SLC2A2: variants seen among roughly 807,000 people sequenced by gnomAD.
SLC2A2 encodes solute carrier family 2, facilitated glucose transporter member 2.
A neutral mutation model predicts 54.5 loss-of-function variants in SLC2A2; 36 were observed. The observed-to-expected ratio is 0.66, with a 90% CI of 0.51 to 0.87. The LOEUF is 0.87. Ranked by LOEUF, SLC2A2 falls within the 40% of genes least tolerant of loss-of-function variation. The pLI is 0.00. For synonymous variants in SLC2A2, 223 were observed against 219.1 expected (o/e 1.02, Z -0.16); for missense variants, 543 against 624.3 (o/e 0.87, Z 1.39).
chr3:171,011,684 T>C (rs1186583469), intron 3 of SLC2A2, among the ~76,000 whole-genome samples: 1 of 151,916 alleles, frequency 6.6e-6, no homozygotes, highest in East Asian at 1.9e-4. Flanking sequence ...AGCTACAGAG[T>C]AGAAAAATAG....
chr3:171,005,914 G>A lies in SLC2A2; in HGVS notation c.775+29C>T, dbSNP rs763183152. 6 of 1,603,608 alleles carry A rather than the reference G, an allele frequency of 3.7e-6. No homozygotes were observed. In the South Asian group the frequency reaches 6.6e-5, roughly 18 times the overall value. On this transcript the variant is annotated intron_variant, in intron 6 of 10. Coordinates refer to ENST00000314251, the MANE Select transcript of SLC2A2 (RefSeq NM_000340.2). ...TTAGCTGATAATGCCAAAACAATAG[G>A]AAGAAAGAAAAACCATCCACAGACT...
chr3:171,016,757 G>A (rs1164597862), intron 2 of SLC2A2, among the ~76,000 whole-genome samples: 3 of 152,072 alleles, frequency 2.0e-5, no homozygotes, highest in African/African-American at 2.4e-5. Context: ...TATGGGGATC[G>A]CTGTTTTCAG....
Position 170,996,825 on chromosome 3 carries a change from ATT to A in SLC2A2, c.*1076_*1077del. 1 of 393,314 alleles carries A rather than the reference ATT, an allele frequency of 2.5e-6. No individual in the cohort carries two copies. The highest frequency in any genetic ancestry group is 1.4e-4 in the South Asian group (1 of 6,984). The allele number at this position is 393,314 out of a possible 1,614,324, so 24.4% of individuals were successfully genotyped here. A position where few individuals can be genotyped will look rare whatever the true frequency, so the allele number is the denominator to read the frequency against. On this transcript the variant is annotated 3_prime_UTR_variant, in exon 11 of 11. Coordinates refer to ENST00000314251, the MANE Select transcript of SLC2A2 (RefSeq NM_000340.2). ...TAAAACAATCAGTCTTTCCAGGAAA[ATT>A]AAATAGGGATTTTGATAAAAGTCTG...
rs1715556964 is a variant in SLC2A2 at position 171,005,560 on chromosome 3, C to T, written c.776-88G>A. The T allele has an allele frequency of 2.8e-6, 3 of 1,052,950 alleles. No homozygotes were observed. In the South Asian group the frequency reaches 4.0e-5, roughly 14 times the overall value. 65.2% of individuals were successfully genotyped at this position (1,052,950 alleles called of 1,614,324 possible). On this transcript the variant is annotated intron_variant, in intron 6 of 10. Transcript: ENST00000314251. ...TGTTAATGAAAGAGCTACATTTCTGCATGCCCCATTGTATTACTTAATAGC... is the reference window on the plus strand; with the variant it reads ...TGTTAATGAAAGAGCTACATTTCTGTATGCCCCATTGTATTACTTAATAGC...
chr3:171,010,162 T>A, intron 3 of SLC2A2, 80 bp from the exon 4 acceptor site: 1 of 1,434,030 alleles, frequency 7.0e-7, no homozygotes, highest in Non-Finnish European at 9.7e-7. Context: ...ATGTTGAGAT[T>A]TTTTTTAACC....
intron 4 of SLC2A2, among the ~76,000 whole-genome samples, chr3:171,009,027 C>T (rs768694371): frequency 6.6e-6 from 1 of 152,036 alleles, no homozygotes; most frequent in Non-Finnish European, 1.5e-5. Flanking sequence ...AATCTTACGT[C>T]CTCACCACTC....
chr3:171,006,221 C>A, intron 5 of SLC2A2, 116 bp from the exon 6 acceptor site: 1 of 854,418 alleles, frequency 1.2e-6, no homozygotes, highest in Non-Finnish European at 1.8e-6. Flanking sequence ...AACTTTGGTT[C>A]AAGTAAAAAC....
chr3:171,000,083 A>G (rs1306515433), intron 8 of SLC2A2, among the ~76,000 whole-genome samples: 3 of 152,108 alleles, frequency 2.0e-5, no homozygotes, highest in Admixed American at 1.3e-4. Context: ...GTAAATCAAT[A>G]GCAATCCAAT....
At chr3:171,010,414 C>T (rs994004047) in intron 3 of SLC2A2, among the ~76,000 whole-genome samples, 10 of 152,136 alleles carry the variant, frequency 6.6e-5, no homozygotes, top group African/African-American at 2.4e-4. Flanking sequence ...GTCTTGACCT[C>T]CCAGGCTCAA....
intron 8 of SLC2A2, among the ~76,000 whole-genome samples, 190 bp downstream of exon 8, chr3:171,002,386 A>C (rs551287826): frequency 2.6e-5 from 4 of 152,042 alleles, no homozygotes; most frequent in Non-Finnish European, 5.9e-5. Flanking sequence ...GATTCACCTC[A>C]GTTATGCCTA....
intron 3 of SLC2A2, among the ~76,000 whole-genome samples, chr3:171,013,842 G>T (rs1397177139): frequency 6.6e-6 from 1 of 152,226 alleles, no homozygotes; most frequent in Non-Finnish European, 1.5e-5. Flanking sequence ...AGTAAAATTT[G>T]AGGGTAAAGG....
At chr3:171,019,281 G>T (rs1351027905) in intron 1 of SLC2A2, among the ~76,000 whole-genome samples, 1 of 151,584 alleles carries the variant, frequency 6.6e-6, no homozygotes, top group African/African-American at 2.4e-5. Flanking sequence ...AAAGAGATGG[G>T]GAGCTCTGTT....
chr3:171,001,891 A>ATCCTT (rs1715351968), intron 8 of SLC2A2, among the ~76,000 whole-genome samples: 7 of 150,464 alleles, frequency 4.7e-5, no homozygotes, highest in African/African-American at 1.5e-4. Context: ...CTTCTTATAT[A>ATCCTT]AAGTTATTTG....
Position 171,009,941 on chromosome 3 carries a change from G to GTGTA in SLC2A2, c.496+16_496+17insTACA. On this transcript the variant is annotated intron_variant, in intron 4 of 10. Coordinates refer to ENST00000314251, the MANE Select transcript of SLC2A2 (RefSeq NM_000340.2). Reference sequence around the variant, plus strand: ...TGTGTGTGTGTGTGTGTGTGTGTGTGTGTGTGTGTGACTTACCACAATATA... The same window carrying GTGTA: ...TGTGTGTGTGTGTGTGTGTGTGTGTGTGTATGTGTGTGTGACTTACCACAATATA... 1 of 1,578,502 alleles carries GTGTA rather than the reference G, an allele frequency of 6.3e-7. No homozygotes were observed. The highest frequency in any genetic ancestry group is 8.6e-7 in the Non-Finnish European group (1 of 1,161,162).
chr3:171,007,208 G>C lies in SLC2A2; in HGVS notation c.552C>G (p.Leu184=). Residue 184 remains leucine (L), a synonymous_variant, in exon 5 of 11, where the codon CTC becomes CTG. Transcript: ENST00000314251. ...MYIGEIAPTA[L]RGALGTFHQL... is the part of the protein sequence containing the mutation. ...GATGAAAAGTGCCAAGTGCTCCCCTGAGAGCGGTTGGAGCAATTTCACCGA... is the reference window on the plus strand; with the variant it reads ...GATGAAAAGTGCCAAGTGCTCCCCTCAGAGCGGTTGGAGCAATTTCACCGA... The C allele has an allele frequency of 6.2e-7, 1 of 1,612,822 alleles. No homozygotes were observed. Among genetic ancestry groups the C allele is most frequent in the Non-Finnish European group, 8.5e-7 (1 of 1,179,174 alleles).
intron 2 of SLC2A2, among the ~76,000 whole-genome samples, chr3:171,014,946 A>G (rs772624072): frequency 2.6e-5 from 4 of 152,302 alleles, no homozygotes; most frequent in African/African-American, 7.2e-5. Flanking sequence ...GAACAAATAA[A>G]TGAAGGGAAC....
rs553786316 is a variant in SLC2A2, at chr3:171,011,825, G to GA, written c.372-1744dup. ...TAGCTAATAGTCTCTTTTATTAGGG[G>GA]AAAAAAGATAAAAAGTCATAAAAGA... On this transcript the variant is annotated intron_variant, in intron 3 of 10. Transcript: ENST00000314251. 3.3e-5 allele frequency among the ~76,000 whole-genome samples: 5 copies of GA among 152,152 alleles called. No individual in the cohort carries two copies. The South Asian group carries it at 1.0e-3, about 32-fold the overall frequency.
In SLC2A2 at chr3:171,020,425, C is replaced by T. The variant is rs534440323; in HGVS notation, c.16-1802G>A. 3.2e-4 allele frequency among the ~76,000 whole-genome samples: 49 copies of T among 152,146 alleles called. 1 individual carries two copies. In the South Asian group the frequency reaches 6.6e-3, roughly 21 times the overall value. ...CTGTAGGTTTACAAAGCTTCCACCC[C>T]TTTCACTAATATAGGGGGTATCTGT... On this transcript the variant is annotated intron_variant, in intron 1 of 10. Transcript: ENST00000314251.
chr3:170,998,170 C>T (rs533868835), intron 10 of SLC2A2, 23 bp downstream of exon 10: 2 of 1,613,516 alleles, frequency 1.2e-6, no homozygotes, highest in South Asian at 1.1e-5. Context: ...TTCAGTAAAT[C>T]TGTGGAATAT....
Sources: gnomAD v4.1 joint callset for allele counts (sites outside exome capture counted in the v4.1 genomes callset) on GRCh38, gnomAD v4.1.1 for gene constraint, MANE v1.5 for transcripts, NCBI Gene and HGNC (gene_info 2026-07-23, HGNC 2026-07-21) for gene names.